VPS53: variants seen among roughly 807,000 people sequenced by gnomAD.
VPS53 encodes the protein VPS53 subunit of GARP complex.
A neutral mutation model predicts 107.0 loss-of-function variants in VPS53; 70 were observed. That is an observed-to-expected ratio of 0.65 (90% CI 0.54 to 0.80). The LOEUF (loss-of-function observed/expected upper bound fraction) is 0.80. VPS53 is among the 30% of genes least tolerant of loss of function. The pLI is 0.00. For synonymous variants in VPS53, 409 were observed against 393.3 expected (o/e 1.04, Z -0.47); for missense variants, 917 against 1,049.4 (o/e 0.87, Z 1.74).
In VPS53 at chr17:518,901, C is replaced by G. The variant is rs1432771531; in HGVS notation, c.*227G>C. 2.2e-6 allele frequency: 1 copy of G among 445,730 alleles called. No individual in the cohort carries two copies. Among genetic ancestry groups the G allele is most frequent in the Non-Finnish European group, 3.9e-6 (1 of 256,912 alleles). 27.6% of individuals were successfully genotyped at this position (445,730 alleles called of 1,614,324 possible). A position where few individuals can be genotyped will look rare whatever the true frequency, so the allele number is the denominator to read the frequency against. On this transcript the variant is annotated 3_prime_UTR_variant, in exon 22 of 22. Transcript: ENST00000437048. ...TCCACTGCTGCCTCTGCTTCACGAA[C>G]CAGAGATCACCTAAATCGCCCTCTT...
At chr17:571,603 G>C (rs974818615) in intron 13 of VPS53, among the ~76,000 whole-genome samples, 3 of 151,034 alleles carry the variant, frequency 2.0e-5, no homozygotes, top group Non-Finnish European at 4.4e-5. Context: ...GCCGAAGCTG[G>C]ACTGTGCTGC....
chr17:697,603 G>C, intron 3 of VPS53, 119 bp from the exon 4 acceptor site: 2 of 812,984 alleles, frequency 2.5e-6, no homozygotes, highest in Non-Finnish European at 2.0e-6. Context: ...TAATTGTCCA[G>C]AAAACCAAAC....
Position 710,593 on chromosome 17 carries a change from A to T in VPS53, c.108T>A (p.Pro36=). ...AIEQVFPSQD[P]LDRADFNAVE... ...CAGCATTGAAATCTGCTCGATCTAG[A>T]GGGTCCTGGCTTGGAAACACCTATA... The change falls in exon 2 of 22, where the codon CCT becomes CCA. Residue 36 remains proline, a synonymous_variant. Transcript: ENST00000437048. 6.2e-7 allele frequency: 1 copy of T among 1,613,992 alleles called. No individual in the cohort carries two copies. The highest frequency in any genetic ancestry group is 8.5e-7 in the Non-Finnish European group (1 of 1,179,890).
intron 19 of VPS53, among the ~76,000 whole-genome samples, chr17:527,403 C>G (rs920861560): frequency 2.0e-5 from 3 of 152,140 alleles, no homozygotes; most frequent in African/African-American, 7.2e-5. Context: ...TGTGAACATT[C>G]GTGCGCATGC....
intron 7 of VPS53, among the ~76,000 whole-genome samples, chr17:641,242 G>T (rs1166827852): frequency 6.6e-6 from 1 of 152,136 alleles, no homozygotes; most frequent in African/African-American, 2.4e-5. Flanking sequence ...GGTATCTATA[G>T]ACCCAAACCT....
chr17:574,541 G>A (rs1485595250), intron 13 of VPS53, among the ~76,000 whole-genome samples: 1 of 152,134 alleles, frequency 6.6e-6, no homozygotes, highest in African/African-American at 2.4e-5. Flanking sequence ...GAGGTGGGCT[G>A]ACCTCTTAAG....
intron 12 of VPS53, chr17:600,052 C>T (rs956966837): frequency 6.6e-6 from 1 of 152,180 alleles, no homozygotes. Flanking sequence ...GTTCTGTGTT[C>T]TTAGAATGAG....
chr17:672,175 A>ATC (rs10539620), intron 4 of VPS53, among the ~76,000 whole-genome samples: 2,108 of 107,108 alleles, frequency 0.02, 55 homozygotes, highest in Middle Eastern at 0.039. Flanking sequence ...CACAATCTCA[A>ATC]TCTCTCTCTC....
intron 11 of VPS53, among the ~76,000 whole-genome samples, chr17:605,621 G>A (rs1968533946): frequency 6.9e-6 from 1 of 144,288 alleles, no homozygotes; most frequent in African/African-American, 2.6e-5. Flanking sequence ...GGGTAAGAGG[G>A]GTGGCGAGAG....
At chr17:626,758 C>G (rs1157678607) in intron 10 of VPS53, among the ~76,000 whole-genome samples, 1 of 152,142 alleles carries the variant, frequency 6.6e-6, no homozygotes, top group Non-Finnish European at 1.5e-5. Context: ...TCCTCTGTGT[C>G]TGCTATATCA....
intron 13 of VPS53, among the ~76,000 whole-genome samples, chr17:565,438 AAAAG>A (rs1312732322): frequency 6.6e-6 from 1 of 151,798 alleles, no homozygotes; most frequent in South Asian, 2.1e-4. Flanking sequence ...AAAGAAAAGA[AAAAG>A]AAAGTCTATT....
chr17:528,245 A>G (rs1909267375), intron 19 of VPS53, among the ~76,000 whole-genome samples: 1 of 152,190 alleles, frequency 6.6e-6, no homozygotes, highest in Non-Finnish European at 1.5e-5. Flanking sequence ...ACCCATTAGC[A>G]GCCATTCCCA....
At chr17:675,820 A>G (rs1275274377) in intron 4 of VPS53, among the ~76,000 whole-genome samples, 1 of 151,964 alleles carries the variant, frequency 6.6e-6, no homozygotes, top group Non-Finnish European at 1.5e-5. Context: ...TCTCCAGAAG[A>G]AATGCCCCCC....
In VPS53 at chr17:586,366, T is replaced by G. The variant is rs758809062; in HGVS notation, c.1219-2A>C. On this transcript the variant is annotated splice_acceptor_variant, in intron 12 of 21. Transcript: ENST00000437048. LOFTEE classifies it high-confidence loss of function. ...GTCTGGGGCTTTAGGCTTCTTTGGC[T>G]GTAAAAACAAAGAAAAATAAACCCC... 1 of 1,613,904 alleles carries G rather than the reference T, an allele frequency of 6.2e-7. No homozygotes were observed. Among genetic ancestry groups the G allele is most frequent in the Non-Finnish European group, 8.5e-7 (1 of 1,179,854 alleles).
intron 1 of VPS53, among the ~76,000 whole-genome samples, chr17:713,824 G>A (rs1177984274): frequency 2.6e-5 from 4 of 151,712 alleles, no homozygotes; most frequent in Non-Finnish European, 5.9e-5. Context: ...CGGGTTACTT[G>A]AGCTCAGGAG....
intron 11 of VPS53, among the ~76,000 whole-genome samples, chr17:614,200 C>T (rs144320567): frequency 3.3e-5 from 5 of 152,280 alleles, no homozygotes; most frequent in African/African-American, 1.2e-4. Context: ...GGGATCGTGG[C>T]ATCATCTTAT....
rs59661600 is a variant in VPS53, at chr17:563,383, T to C, written c.1314-638A>G. ...TGATCTTGGCCCACTGCAACCTCCA[T>C]CTTCAGGGTTCAAGCAATTCTCCTG... On this transcript the variant is annotated intron_variant, in intron 13 of 21. Coordinates refer to ENST00000437048, the MANE Select transcript of VPS53 (RefSeq NM_001128159.3). Among the ~76,000 whole-genome samples, 1,118 of 144,594 alleles carry C rather than the reference T, an allele frequency of 7.7e-3. 13 individuals carry two copies. Among genetic ancestry groups the C allele is most frequent in the African/African-American group, 0.027 (1,066 of 39,364 alleles). The allele number at this position is 144,594 out of a possible 152,430, so 94.9% of individuals were successfully genotyped here. A position where few individuals can be genotyped will look rare whatever the true frequency, so the allele number is the denominator to read the frequency against.
chr17:617,328 G>C (rs1190576763), intron 11 of VPS53, among the ~76,000 whole-genome samples: 6 of 152,208 alleles, frequency 3.9e-5, no homozygotes, highest in Admixed American at 3.3e-4. Context: ...AGGAATCAGG[G>C]GGCTGCTAAA....
rs1973786427 is a variant in VPS53 at position 714,735 on chromosome 17, C to A, written c.-26G>T. 15 of 1,612,508 alleles carry A rather than the reference C, an allele frequency of 9.3e-6. No individual in the cohort carries two copies. The highest frequency in any genetic ancestry group is 1.3e-5 in the Non-Finnish European group (15 of 1,179,234). ...TCCGCCACCCGGCCCCCTGCCGACC[C>A]CCGCCGCGAGCCCAACTCAGGCCTC... On this transcript the variant is annotated 5_prime_UTR_variant, in exon 1 of 22. Coordinates refer to ENST00000437048, the MANE Select transcript of VPS53 (RefSeq NM_001128159.3).
Sources: gnomAD v4.1 joint callset for allele counts (sites outside exome capture counted in the v4.1 genomes callset) on GRCh38, gnomAD v4.1.1 for gene constraint, MANE v1.5 for transcripts, NCBI Gene and HGNC (gene_info 2026-07-23, HGNC 2026-07-21) for gene names.